The following ARHGAP24 variants were observed in gnomAD, a reference collection of about 807,000 sequenced individuals.
The protein encoded by ARHGAP24 is rho GTPase-activating protein 24.
Under a neutral mutation model 76.4 loss-of-function variants are expected in ARHGAP24, and 50 were observed. That is an observed-to-expected ratio of 0.65 (90% CI 0.52 to 0.83). The LOEUF (loss-of-function observed/expected upper bound fraction) is 0.83, where lower values mean the gene tolerates loss of function less well. Ranked by LOEUF, ARHGAP24 falls within the 40% of genes least tolerant of loss-of-function variation. ARHGAP24 has a pLI of 0.00. For missense variants in ARHGAP24, 930 were observed against 914.2 expected (o/e 1.02, Z -0.22); for synonymous variants, 345 against 323.3 (o/e 1.07, Z -0.72).
At chr4:85,853,594 A>G (rs1025696500) in intron 3 of ARHGAP24, among the ~76,000 whole-genome samples, 4 of 152,150 alleles carry the variant, frequency 2.6e-5, no homozygotes, top group Admixed American at 2.0e-4. Context: ...AGCTCTTCCT[A>G]TTCGGCCATC....
At chr4:85,830,576 T>G (rs905263552) in intron 3 of ARHGAP24, among the ~76,000 whole-genome samples, 6 of 152,230 alleles carry the variant, frequency 3.9e-5, no homozygotes, top group Non-Finnish European at 8.8e-5. Flanking sequence ...GTCATTTGTA[T>G]GTCTCTTTAC....
rs186595821 is a variant in ARHGAP24 at position 85,928,296 on chromosome 4, T to C, written c.391+4526T>C. On this transcript the variant is annotated intron_variant, in intron 4 of 9. Coordinates refer to ENST00000395184, the MANE Select transcript of ARHGAP24 (RefSeq NM_001025616.3). ...CCCTCCCTCGCACTCTCCTTTCCTT[T>C]CTTCCTTCCTCCCTCCTCCTTCCCT... Among the ~76,000 whole-genome samples the C allele has an allele frequency of 3.3e-4, 50 of 151,820 alleles. No homozygotes were observed. The East Asian group carries it at 9.5e-3, about 29-fold the overall frequency.
At chr4:85,644,100 T>C (rs1721633023) in intron 2 of ARHGAP24, among the ~76,000 whole-genome samples, 5 of 152,188 alleles carry the variant, frequency 3.3e-5, no homozygotes, top group Admixed American at 3.3e-4. Context: ...GATCAGTTTC[T>C]TACTACTTAT....
chr4:85,696,911 A>C (rs1319454340), intron 2 of ARHGAP24, among the ~76,000 whole-genome samples: 1 of 152,194 alleles, frequency 6.6e-6, no homozygotes, highest in Non-Finnish European at 1.5e-5. Flanking sequence ...CAGTGGAAAA[A>C]AGAGGCATTG....
intron 1 of ARHGAP24, among the ~76,000 whole-genome samples, chr4:85,565,378 T>C (rs1353336468): frequency 6.6e-6 from 1 of 152,166 alleles, no homozygotes; most frequent in Admixed American, 6.5e-5. Flanking sequence ...TTGCAGTATT[T>C]TACCAACATT....
chr4:85,596,675 C>A (rs1016665648), intron 2 of ARHGAP24, among the ~76,000 whole-genome samples: 1 of 151,952 alleles, frequency 6.6e-6, no homozygotes, highest in Non-Finnish European at 1.5e-5. Flanking sequence ...GGACTGAAAT[C>A]CTGCATACTC....
In ARHGAP24 at chr4:86,000,818, T is replaced by C; in HGVS notation, c.*96T>C. On this transcript the variant is annotated 3_prime_UTR_variant, in exon 10 of 10. Transcript: ENST00000395184. ...AACCAGGTGGCTGGTCACCTGGATG[T>C]ACAGAAGTCTAACTGGTGAAGGAAT... is the stretch of plus-strand genomic sequence containing the variant. The C allele has an allele frequency of 1.9e-6, 3 of 1,550,502 alleles. No homozygotes were observed. The highest frequency in any genetic ancestry group is 2.6e-6 in the Non-Finnish European group (3 of 1,132,146).
intron 3 of ARHGAP24, among the ~76,000 whole-genome samples, chr4:85,732,638 T>C (rs763832508): frequency 7.2e-5 from 11 of 152,076 alleles, no homozygotes; most frequent in Non-Finnish European, 1.5e-4. Context: ...ATTTAGCCCA[T>C]GCTAATCAAA....
intron 1 of ARHGAP24, among the ~76,000 whole-genome samples, chr4:85,485,141 C>T (rs1049512309): frequency 2.0e-5 from 3 of 150,490 alleles, no homozygotes; most frequent in Non-Finnish European, 3.0e-5. Flanking sequence ...GTCAGGGGAT[C>T]GAGACCATCC....
At chr4:85,823,292 G>A (rs913529251) in intron 3 of ARHGAP24, among the ~76,000 whole-genome samples, 1 of 151,990 alleles carries the variant, frequency 6.6e-6, no homozygotes, top group African/African-American at 2.4e-5. Context: ...GGATCATATT[G>A]TACCTACTAT....
chr4:85,966,538 A>G (rs923442062), intron 5 of ARHGAP24, among the ~76,000 whole-genome samples: 2 of 152,204 alleles, frequency 1.3e-5, no homozygotes, highest in African/African-American at 4.8e-5. Context: ...TTTGACAGAT[A>G]CATAAAAAAA....
intron 3 of ARHGAP24, among the ~76,000 whole-genome samples, chr4:85,752,978 T>C (rs1406319830): frequency 6.6e-6 from 1 of 152,218 alleles, no homozygotes; most frequent in Non-Finnish European, 1.5e-5. Flanking sequence ...TTCACAGCAC[T>C]GATTAAAATA....
At chr4:85,975,986 C>G (rs913082954) in intron 7 of ARHGAP24, among the ~76,000 whole-genome samples, 1 of 152,170 alleles carries the variant, frequency 6.6e-6, no homozygotes, top group African/African-American at 2.4e-5. Context: ...AGCAGGAAAT[C>G]ATGCCATTGA....
chr4:85,891,289 A>G, intron 3 of ARHGAP24, among the ~76,000 whole-genome samples: 1 of 150,382 alleles, frequency 6.6e-6, no homozygotes, highest in Non-Finnish European at 1.5e-5. Flanking sequence ...TAGATAAACA[A>G]TCATGTCGTC....
At chr4:85,955,198 C>G (rs1235850376) in intron 5 of ARHGAP24, among the ~76,000 whole-genome samples, 1 of 152,058 alleles carries the variant, frequency 6.6e-6, no homozygotes, top group Non-Finnish European at 1.5e-5. Context: ...CTATACATGA[C>G]TATTTGAATA....
At chr4:85,992,063 G>A (rs907670362) in intron 8 of ARHGAP24, 5 of 396,850 alleles carry the variant, frequency 1.3e-5, no homozygotes, top group Non-Finnish European at 1.8e-5. Context: ...GGATCGTGTA[G>A]CACAGTGGAA....
rs765423604 is a variant in ARHGAP24, at chr4:85,553,084, G to GAGTA, written c.-20-17436_-20-17435insTAAG. The stretch of plus-strand genomic sequence containing the variant: ...GAGTGAAGCTGCAGACCTTCGCAGT[G>GAGTA]AGCATTACAGTTCATAAAGGCAGTG... On this transcript the variant is annotated intron_variant, in intron 1 of 9. Coordinates refer to ENST00000395184, the MANE Select transcript of ARHGAP24 (RefSeq NM_001025616.3). Among the ~76,000 whole-genome samples the GAGTA allele has an allele frequency of 6.7e-4, 102 of 152,186 alleles. 1 individual carries two copies. The highest frequency in any genetic ancestry group is 4.2e-3 in the Admixed American group (65 of 15,298).
intron 2 of ARHGAP24, among the ~76,000 whole-genome samples, chr4:85,608,914 T>C (rs780869437): frequency 1.3e-5 from 2 of 152,166 alleles, no homozygotes; most frequent in Non-Finnish European, 2.9e-5. Context: ...CCGAGGACTT[T>C]CTTTAGTTAG....
At chr4:85,630,576 G>A (rs1416581550) in intron 2 of ARHGAP24, among the ~76,000 whole-genome samples, 1 of 152,170 alleles carries the variant, frequency 6.6e-6, no homozygotes, top group Non-Finnish European at 1.5e-5. Context: ...CTTACAGCTG[G>A]AGTCTTCAAA....
Sources: gnomAD v4.1 joint callset for allele counts (sites outside exome capture counted in the v4.1 genomes callset) on GRCh38, gnomAD v4.1.1 for gene constraint, MANE v1.5 for transcripts, NCBI Gene and HGNC (gene_info 2026-07-23, HGNC 2026-07-21) for gene names.